The following ZFHX3 variants were observed in gnomAD, a reference collection of about 807,000 sequenced individuals.
ZFHX3 encodes the protein zinc finger homeobox protein 3.
In ZFHX3, 42 loss-of-function variants were observed where a neutral mutation model predicts 279.1. That is an observed-to-expected ratio of 0.15 (90% confidence interval 0.12 to 0.19). The LOEUF (loss-of-function observed/expected upper bound fraction) is 0.19. Ranked by LOEUF, ZFHX3 falls within the 10% of genes least tolerant of loss-of-function variation. ZFHX3 has a pLI of 1.00. For synonymous variants in ZFHX3, 2,293 were observed against 1,957.8 expected (o/e 1.17, Z -4.52); for missense variants, 4,981 against 4,754.0 (o/e 1.05, Z -1.40).
chr16:73,596,116 G>A (rs989306172), intron 2 of ZFHX3, among the ~76,000 whole-genome samples: 4 of 151,912 alleles, frequency 2.6e-5, no homozygotes, highest in African/African-American at 9.7e-5. Flanking sequence ...CGCCTCCCGG[G>A]TTCAAGCAAT....
At chr16:73,720,211 G>A (rs561408058) in intron 1 of ZFHX3, among the ~76,000 whole-genome samples, 5 of 152,224 alleles carry the variant, frequency 3.3e-5, no homozygotes, top group South Asian at 4.1e-4. Flanking sequence ...TTGTGGACAC[G>A]GGCTTTAGGG....
intron 5 of ZFHX3, among the ~76,000 whole-genome samples, chr16:72,814,929 C>CA (rs140144872): frequency 0.015 from 2,212 of 152,278 alleles, 20 homozygotes; most frequent in Middle Eastern, 0.051. Context: ...ATCCTTATAA[C>CA]AGATTCTATA....
chr16:73,628,004 G>A (rs188409396), intron 2 of ZFHX3, among the ~76,000 whole-genome samples: 36 of 152,290 alleles, frequency 2.4e-4, no homozygotes, highest in Non-Finnish European at 5.1e-4. Flanking sequence ...GGGGTAGAGT[G>A]CAAAGTATCC....
intron 1 of ZFHX3, among the ~76,000 whole-genome samples, chr16:73,792,007 A>T (rs1045606153): frequency 8.5e-5 from 13 of 152,208 alleles, no homozygotes; most frequent in African/African-American, 2.9e-4. Flanking sequence ...TGATAAATCA[A>T]TGGCAGAGCC....
intron 1 of ZFHX3, among the ~76,000 whole-genome samples, chr16:73,878,948 T>G (rs923002567): frequency 2.7e-5 from 4 of 148,514 alleles, no homozygotes; most frequent in African/African-American, 4.9e-5. Context: ...AAGATATATA[T>G]ATATATATAT....
intron 1 of ZFHX3, among the ~76,000 whole-genome samples, chr16:72,987,587 C>A (rs948188729): frequency 2.6e-5 from 4 of 152,216 alleles, no homozygotes; most frequent in Non-Finnish European, 4.4e-5. Flanking sequence ...TGGACCAGTA[C>A]AGACATGCAG....
intron 5 of ZFHX3, among the ~76,000 whole-genome samples, chr16:73,231,247 C>T (rs1422639713): frequency 6.6e-6 from 1 of 152,184 alleles, no homozygotes; most frequent in Non-Finnish European, 1.5e-5. Flanking sequence ...AGCCAAGAGG[C>T]GCTTGCAGGA....
chr16:73,503,764 G>A (rs1275475544), intron 2 of ZFHX3, among the ~76,000 whole-genome samples: 4 of 152,170 alleles, frequency 2.6e-5, no homozygotes, highest in African/African-American at 7.2e-5. Context: ...TGTAACCACC[G>A]AACTGGGTCA....
chr16:73,470,312 C>G (rs2018644798), intron 2 of ZFHX3, among the ~76,000 whole-genome samples: 1 of 152,146 alleles, frequency 6.6e-6, no homozygotes, highest in Non-Finnish European at 1.5e-5. Flanking sequence ...GGACAGAAAC[C>G]CAGGCCATGT....
chr16:73,049,028 G>A (rs987573411), upstream of ZFHX3, among the ~76,000 whole-genome samples: 4 of 152,116 alleles, frequency 2.6e-5, no homozygotes, highest in African/African-American at 7.2e-5. Flanking sequence ...GATTTAAAGC[G>A]GCCACCCCAG....
rs373934258 is a variant in ZFHX3 at position 73,287,226 on chromosome 16, G to A, written c.-1193-30090C>T. The stretch of plus-strand genomic sequence containing the variant: ...GTATGGCTGTGTGGGTTGGTGAGTG[G>A]CTGTGTGGGTCAGTGTATGGGTGTG... On this transcript the variant is annotated intron_variant, in intron 4 of 17. Transcript: ENST00000641206. 1.8e-4 allele frequency among the ~76,000 whole-genome samples: 27 copies of A among 148,202 alleles called. No homozygotes were observed. In the East Asian group the frequency reaches 2.7e-3, roughly 15 times the overall value.
intron 4 of ZFHX3, among the ~76,000 whole-genome samples, chr16:72,843,539 A>G (rs1471505389): frequency 6.8e-6 from 1 of 146,214 alleles, no homozygotes; most frequent in African/African-American, 2.5e-5. Flanking sequence ...AAAAAAAAAA[A>G]GCCACACAGT....
At chr16:73,026,040 C>T (rs1296203342) in intron 1 of ZFHX3, among the ~76,000 whole-genome samples, 3 of 151,948 alleles carry the variant, frequency 2.0e-5, no homozygotes, top group Admixed American at 6.6e-5. Context: ...TGGCAGTCTC[C>T]GATAGGCTGA....
intron 3 of ZFHX3, among the ~76,000 whole-genome samples, chr16:73,329,471 C>T (rs761748787): frequency 5.3e-5 from 8 of 152,366 alleles, no homozygotes; most frequent in Non-Finnish European, 1.0e-4. Flanking sequence ...ATGCCTCGAC[C>T]GGCGGAGCCA....
intron 4 of ZFHX3, among the ~76,000 whole-genome samples, chr16:72,865,179 A>ATTC (rs2037984887): frequency 1.3e-5 from 2 of 152,248 alleles, no homozygotes; most frequent in Non-Finnish European, 2.9e-5. Context: ...GTGACTTGAA[A>ATTC]GAGTCTCACC....
chr16:73,070,926 GCGCGCGCGCGCGCA>G (rs1304739579), intron 8 of ZFHX3, among the ~76,000 whole-genome samples: 1,412 of 29,480 alleles, frequency 0.048, 14 homozygotes, highest in Middle Eastern at 0.14. Flanking sequence ...GCGCGCGCGC[GCGCGCGCGCGCGCA>G]CACACACACA....
At chr16:73,865,421 C>A (rs750332955) in intron 1 of ZFHX3, among the ~76,000 whole-genome samples, 3 of 152,150 alleles carry the variant, frequency 2.0e-5, no homozygotes, top group African/African-American at 4.8e-5. Context: ...GGGCATGAGG[C>A]ACCTCCCTGA....
At chr16:73,204,278 A>T (rs1457591922) in intron 5 of ZFHX3, among the ~76,000 whole-genome samples, 1 of 150,256 alleles carries the variant, frequency 6.7e-6, no homozygotes, top group Non-Finnish European at 1.5e-5. Context: ...AGAAATTATT[A>T]TTTCTATTAT....
intron 4 of ZFHX3, among the ~76,000 whole-genome samples, chr16:72,845,289 C>T (rs1428776781): frequency 6.6e-6 from 1 of 152,178 alleles, no homozygotes; most frequent in East Asian, 1.9e-4. Context: ...CACACACACG[C>T]CTAGAGGACG....
Sources: allele counts gnomAD v4.1 joint callset (sites outside exome capture counted in the v4.1 genomes callset), GRCh38; gene constraint gnomAD v4.1.1; transcripts MANE v1.5; gene names NCBI Gene and HGNC (gene_info 2026-07-23, HGNC 2026-07-21).